GPR39: variants seen among roughly 807,000 people sequenced by gnomAD.
The protein encoded by GPR39 is G protein-coupled receptor 39.
Under a neutral mutation model 18.4 loss-of-function variants are expected in GPR39, and 23 were observed. The ratio of observed to expected loss-of-function variants is 1.25; its 90% CI spans 0.90 to 1.77. The LOEUF is 1.77. GPR39 is among the 40% of genes most tolerant of loss of function. The pLI is 0.00. For missense variants in GPR39, 647 were observed against 602.4 expected (o/e 1.07, Z -0.78); for synonymous variants, 280 against 257.9 (o/e 1.09, Z -0.82).
At chr2:132,521,009 G>A (rs1289795819) in intron 1 of GPR39, among the ~76,000 whole-genome samples, 2 of 152,184 alleles carry the variant, frequency 1.3e-5, no homozygotes, top group Non-Finnish European at 2.9e-5. Flanking sequence ...CATCTAACAA[G>A]AAGCCTGGAA....
chr2:132,564,822 T>C (rs940087343), intron 1 of GPR39, among the ~76,000 whole-genome samples: 2 of 134,462 alleles, frequency 1.5e-5, no homozygotes, highest in African/African-American at 2.7e-5. Flanking sequence ...TTTTTTTTTT[T>C]TTTTTTTTTG....
chr2:132,645,457 A>T lies in GPR39; in HGVS notation c.1213A>T (p.Thr405Ser). Residue 405 changes from threonine to serine, a missense_variant, in exon 2 of 2, where the codon ACT becomes TCT. By Grantham distance (58) the Thr-to-Ser change is moderately conservative (BLOSUM62 1). Transcript: ENST00000329321. Reference sequence around the variant, plus strand: ...CCGGCGCCAGTCCTCTGCAAGGAGAACTGAGAAGATTTTCTTAAGCACTTT... The same window carrying T: ...CCGGCGCCAGTCCTCTGCAAGGAGATCTGAGAAGATTTTCTTAAGCACTTT... Reference protein sequence around the residue: ...ASRRQSSARRTEKIFLSTFQS... With the variant: ...ASRRQSSARRSEKIFLSTFQS... The T allele has an allele frequency of 6.2e-7, 1 of 1,613,886 alleles. No individual in the cohort carries two copies. The highest frequency in any genetic ancestry group is 8.5e-7 in the Non-Finnish European group (1 of 1,180,030).
Position 132,417,693 on chromosome 2 carries a change from G to C in GPR39, c.651G>C (p.Trp217Cys). ...TCTGTACCAACCTCTCCAGCCGCTG[G>C]ACCGTGTTCCAGTCCAGCATCTTCG... is the stretch of plus-strand genomic sequence containing the variant. ...MSICTNLSSR[W>C]TVFQSSIFGA... Residue 217 changes from tryptophan (W) to cysteine (C), a missense_variant, in exon 1 of 2, where the codon TGG becomes TGC. This residue lies in a region of GPR39 where 581 missense variants were observed against 506.8 expected (regional missense o/e 1.15). Transcript: ENST00000329321. 6.2e-7 allele frequency: 1 copy of C among 1,614,184 alleles called. No individual in the cohort carries two copies. Among genetic ancestry groups the C allele is most frequent in the Non-Finnish European group, 8.5e-7 (1 of 1,180,032 alleles).
chr2:132,500,259 C>G (rs879204105), intron 1 of GPR39, among the ~76,000 whole-genome samples: 1 of 152,134 alleles, frequency 6.6e-6, no homozygotes, highest in Admixed American at 6.5e-5. Flanking sequence ...TATGTCCCTT[C>G]TATGCCGATT....
At chr2:132,560,427 C>CTGA (rs1025522948) in intron 1 of GPR39, among the ~76,000 whole-genome samples, 2 of 152,216 alleles carry the variant, frequency 1.3e-5, no homozygotes, top group African/African-American at 4.8e-5. Context: ...TCCTCACACC[C>CTGA]TGATTGCATC....
rs752994869 is a variant in GPR39, at chr2:132,417,406, A to G, written c.364A>G (p.Thr122Ala). Residue 122 changes from threonine (T) to alanine (A), a missense_variant, in exon 1 of 2, where the codon ACG becomes GCG. Physicochemically the swap from Thr to Ala is moderately conservative, Grantham distance 58. Coordinates refer to ENST00000329321, the MANE Select transcript of GPR39 (RefSeq NM_001508.3). ...TFLFEACSYA[T>A]LLHVLTLSFE... is the part of the protein sequence containing the mutation. Reference sequence around the variant, plus strand: ...CCTCTTCGAGGCCTGCAGCTACGCTACGCTGCTGCACGTGCTGACACTCAG... The same window carrying G: ...CCTCTTCGAGGCCTGCAGCTACGCTGCGCTGCTGCACGTGCTGACACTCAG... 2 of 1,614,140 alleles carry G rather than the reference A, an allele frequency of 1.2e-6. No homozygotes were observed. The highest frequency in any genetic ancestry group is 4.5e-5 in the East Asian group (2 of 44,866).
At chr2:132,436,506 C>T (rs537007323) in intron 1 of GPR39, among the ~76,000 whole-genome samples, 8 of 152,224 alleles carry the variant, frequency 5.3e-5, no homozygotes, top group Non-Finnish European at 1.0e-4. Flanking sequence ...TCATGTTCTC[C>T]GCATTTTGGC....
chr2:132,535,359 A>T (rs1347592972), intron 1 of GPR39, among the ~76,000 whole-genome samples: 1 of 152,094 alleles, frequency 6.6e-6, no homozygotes, highest in African/African-American at 2.4e-5. Flanking sequence ...TTATGTGATG[A>T]ATTACATTTA....
At chr2:132,537,261 C>T (rs1679775042) in intron 1 of GPR39, among the ~76,000 whole-genome samples, 1 of 152,102 alleles carries the variant, frequency 6.6e-6, no homozygotes, top group Non-Finnish European at 1.5e-5. Context: ...TAAGGCAGTC[C>T]TGTGGTGACT....
chr2:132,623,801 G>A (rs192072093), intron 1 of GPR39, among the ~76,000 whole-genome samples: 35 of 152,280 alleles, frequency 2.3e-4, no homozygotes, highest in Admixed American at 7.8e-4. Flanking sequence ...GGAGAAGCCC[G>A]CACAATTGCC....
At chr2:132,489,274 C>T (rs370700693) in intron 1 of GPR39, among the ~76,000 whole-genome samples, 7 of 152,246 alleles carry the variant, frequency 4.6e-5, no homozygotes, top group African/African-American at 1.7e-4. Context: ...CTTGCAATGA[C>T]CTTTTCCCCA....
intron 1 of GPR39, among the ~76,000 whole-genome samples, chr2:132,508,132 C>T (rs1679169934): frequency 6.6e-6 from 1 of 152,136 alleles, no homozygotes; most frequent in Non-Finnish European, 1.5e-5. Flanking sequence ...TTACCTGAGT[C>T]ACCTCATTAG....
At chr2:132,489,885 G>T (rs1466570886) in intron 1 of GPR39, among the ~76,000 whole-genome samples, 1 of 151,922 alleles carries the variant, frequency 6.6e-6, no homozygotes. Context: ...CTTCAGAGAG[G>T]AGAGGAGGCT....
chr2:132,445,976 G>T (rs1224786745), intron 1 of GPR39, among the ~76,000 whole-genome samples: 1 of 152,212 alleles, frequency 6.6e-6, no homozygotes, highest in African/African-American at 2.4e-5. Flanking sequence ...GACCTCGCAG[G>T]AGAAATGGCA....
intron 1 of GPR39, among the ~76,000 whole-genome samples, chr2:132,574,242 A>G (rs533193336): frequency 6.6e-6 from 1 of 152,338 alleles, no homozygotes; most frequent in South Asian, 2.1e-4. Context: ...TTTTGCCAGC[A>G]TTGAATATTA....
At chr2:132,474,479 T>C (rs1398646784) in intron 1 of GPR39, among the ~76,000 whole-genome samples, 7 of 152,198 alleles carry the variant, frequency 4.6e-5, no homozygotes, top group Non-Finnish European at 1.0e-4. Context: ...CTGACTTACG[T>C]CTGGAAACTG....
At chr2:132,429,540 G>A (rs1015470485) in intron 1 of GPR39, among the ~76,000 whole-genome samples, 7 of 152,208 alleles carry the variant, frequency 4.6e-5, no homozygotes, top group African/African-American at 1.4e-4. Context: ...CGCCAGTCAC[G>A]TGCACTGGCA....
chr2:132,629,136 G>A (rs1362746897), intron 1 of GPR39, among the ~76,000 whole-genome samples: 2 of 152,216 alleles, frequency 1.3e-5, no homozygotes, highest in Non-Finnish European at 2.9e-5. Context: ...TTGGAAAAAA[G>A]CTGGAGCACT....
chr2:132,509,507 G>A (rs7600324), intron 1 of GPR39, among the ~76,000 whole-genome samples: 143,337 of 152,222 alleles, frequency 0.94, 68,061 homozygotes, highest in Non-Finnish European at 1. Context: ...GAACTTAGGA[G>A]CTATGAATAC....
Sources: gnomAD v4.1 joint callset for allele counts (sites outside exome capture counted in the v4.1 genomes callset) on GRCh38, gnomAD v4.1.1 for gene constraint, gnomAD v4.1.1 regional missense constraint, MANE v1.5 for transcripts, NCBI Gene and HGNC (gene_info 2026-07-23, HGNC 2026-07-21) for gene names.